Variants in BBX observed in about 807,000 individuals in gnomAD.
BBX encodes the protein HMG box transcription factor BBX.
BBX carries 30 observed loss-of-function variants against 100.2 expected under a neutral mutation model. That is an observed-to-expected ratio of 0.30 (90% CI 0.22 to 0.41). The LOEUF (loss-of-function observed/expected upper bound fraction) is 0.41, where lower values mean the gene tolerates loss of function less well. BBX is among the 10% of genes least tolerant of loss of function. BBX has a pLI of 1.00. For missense variants in BBX, 1,023 were observed against 1,129.8 expected (o/e 0.91, Z 1.35); for synonymous variants, 376 against 388.1 (o/e 0.97, Z 0.37).
intron 2 of BBX, among the ~76,000 whole-genome samples, chr3:107,605,188 T>G (rs944911644): frequency 6.6e-6 from 1 of 152,190 alleles, no homozygotes; most frequent in Non-Finnish European, 1.5e-5. Context: ...GGAAATATTT[T>G]GCAAATGAGC....
intron 2 of BBX, among the ~76,000 whole-genome samples, chr3:107,528,913 C>T (rs2047963940): frequency 6.6e-6 from 1 of 152,076 alleles, no homozygotes; most frequent in African/African-American, 2.4e-5. Context: ...TCATAAAGAA[C>T]ATGGGTAAAA....
chr3:107,573,035 A>G (rs896791494), intron 2 of BBX, among the ~76,000 whole-genome samples: 1 of 152,248 alleles, frequency 6.6e-6, no homozygotes, highest in Admixed American at 6.5e-5. Flanking sequence ...CATCCTCATT[A>G]TTGGAATGAG....
chr3:107,805,249 G>C, intron 17 of BBX, 121 bp from the exon 18 acceptor site: 1 of 1,097,300 alleles, frequency 9.1e-7, no homozygotes, highest in Non-Finnish European at 1.3e-6. Flanking sequence ...TTCATTAAAT[G>C]ATGTAAGTAA....
At chr3:107,654,745 G>T (rs2058039500) in intron 3 of BBX, among the ~76,000 whole-genome samples, 1 of 152,142 alleles carries the variant, frequency 6.6e-6, no homozygotes, top group Admixed American at 6.5e-5. Flanking sequence ...AACATGGGCT[G>T]TGGAGTCAGA....
intron 3 of BBX, among the ~76,000 whole-genome samples, chr3:107,665,334 T>A (rs2058680000): frequency 6.6e-6 from 1 of 152,220 alleles, no homozygotes; most frequent in Admixed American, 6.5e-5. Flanking sequence ...CAGTCATTTC[T>A]TCTTGAGCTT....
At chr3:107,556,643 A>G (rs1277069938) in intron 2 of BBX, among the ~76,000 whole-genome samples, 3 of 152,180 alleles carry the variant, frequency 2.0e-5, no homozygotes, top group African/African-American at 7.2e-5. Flanking sequence ...TACCTTAAGT[A>G]GTAATCCTAG....
chr3:107,802,463 A>G (rs1415233379), intron 17 of BBX, among the ~76,000 whole-genome samples: 1 of 152,250 alleles, frequency 6.6e-6, no homozygotes, highest in African/African-American at 2.4e-5. Flanking sequence ...GAGACAATGC[A>G]CAGATACTTC....
chr3:107,760,834 A>G (rs2065841085), intron 10 of BBX, among the ~76,000 whole-genome samples: 1 of 152,224 alleles, frequency 6.6e-6, no homozygotes, highest in African/African-American at 2.4e-5. Flanking sequence ...TTGTTGACCT[A>G]TATCATATTC....
chr3:107,640,747 C>T (rs994336395), intron 2 of BBX, among the ~76,000 whole-genome samples: 2 of 152,122 alleles, frequency 1.3e-5, no homozygotes, highest in Admixed American at 6.5e-5. Flanking sequence ...CTGCAACCTC[C>T]GTCTCCCGGG....
chr3:107,693,338 C>G (rs535050575), intron 3 of BBX, among the ~76,000 whole-genome samples: 1 of 151,718 alleles, frequency 6.6e-6, no homozygotes, highest in Non-Finnish European at 1.5e-5. Context: ...TTAGGTCTAA[C>G]GTTTAAGTCT....
chr3:107,786,526 G>T (rs904475137), intron 13 of BBX, among the ~76,000 whole-genome samples: 1 of 152,078 alleles, frequency 6.6e-6, no homozygotes, highest in Non-Finnish European at 1.5e-5. Flanking sequence ...TTCAACAAGG[G>T]TGCCAAGAAT....
At chr3:107,673,702 G>T (rs2059138276) in intron 3 of BBX, among the ~76,000 whole-genome samples, 1 of 151,222 alleles carries the variant, frequency 6.6e-6, no homozygotes, top group African/African-American at 2.4e-5. Context: ...CCCACTTCAA[G>T]TTTTTTTTTA....
intron 2 of BBX, among the ~76,000 whole-genome samples, chr3:107,561,267 T>G (rs981465653): frequency 2.6e-5 from 4 of 152,200 alleles, no homozygotes; most frequent in African/African-American, 9.6e-5. Context: ...TTAGGACAGA[T>G]TGTCCTGGTT....
chr3:107,552,455 AC>A (rs1419458404), intron 2 of BBX, among the ~76,000 whole-genome samples: 1 of 151,700 alleles, frequency 6.6e-6, no homozygotes, highest in African/African-American at 2.4e-5. Context: ...TCAAAGGTAA[AC>A]TCTTAAATGG....
At chr3:107,651,705 A>G (rs774022717) in intron 3 of BBX, among the ~76,000 whole-genome samples, 11 of 152,302 alleles carry the variant, frequency 7.2e-5, no homozygotes, top group African/African-American at 9.6e-5. Context: ...AATAATGCCA[A>G]CAGAAGTCAG....
intron 7 of BBX, among the ~76,000 whole-genome samples, chr3:107,743,422 G>A (rs2064282278): frequency 6.6e-6 from 1 of 152,162 alleles, no homozygotes; most frequent in African/African-American, 2.4e-5. Flanking sequence ...ATATCAAATA[G>A]TGACAATAAG....
Position 107,802,814 on chromosome 3 carries a change from C to T in BBX, c.2738+1533C>T, listed in dbSNP as rs150610380. On this transcript the variant is annotated intron_variant, in intron 17 of 17. Coordinates refer to ENST00000325805, the MANE Select transcript of BBX (RefSeq NM_001142568.3). ...CCCTGCAGTTAGGTGGAATCACTTA[C>T]CCCTTTCCAGATACGCCAAGCTCTT... Among the ~76,000 whole-genome samples the T allele has an allele frequency of 6.2e-3, 944 of 152,272 alleles. 9 individuals are homozygous for T. Among genetic ancestry groups the T allele is most frequent in the African/African-American group, 0.021 (889 of 41,546 alleles).
chr3:107,781,746 T>TCC lies in BBX; in HGVS notation c.2203+3228_2203+3229insCC, dbSNP rs3840142. On this transcript the variant is annotated intron_variant, in intron 13 of 17. Transcript: ENST00000325805. Reference sequence around the variant, plus strand: ...ATCTTGACTTATTAGACTCACTTCTTCACCTTATTCCTTCTATCTTTACAT... The same window carrying TCC: ...ATCTTGACTTATTAGACTCACTTCTTCCCACCTTATTCCTTCTATCTTTACAT... 1.7e-4 allele frequency among the ~76,000 whole-genome samples: 26 copies of TCC among 152,244 alleles called. No individual in the cohort carries two copies. In the East Asian group the frequency reaches 5.0e-3, roughly 29 times the overall value.
intron 4 of BBX, among the ~76,000 whole-genome samples, chr3:107,712,523 A>G (rs2061790887): frequency 6.6e-6 from 1 of 152,152 alleles, no homozygotes; most frequent in Admixed American, 6.5e-5. Flanking sequence ...TATTTTGCTC[A>G]AACTTCACAT....
Sources: allele counts gnomAD v4.1 joint callset (sites outside exome capture counted in the v4.1 genomes callset), GRCh38; gene constraint gnomAD v4.1.1; transcripts MANE v1.5; gene names NCBI Gene and HGNC (gene_info 2026-07-23, HGNC 2026-07-21).